ADCY5: variants seen among roughly 807,000 people sequenced by gnomAD.
ADCY5 encodes adenylate cyclase 5, also known as adenylate cyclase type 5.
Under a neutral mutation model 119.7 loss-of-function variants are expected in ADCY5, and 30 were observed. That is an observed-to-expected ratio of 0.25 (90% CI 0.19 to 0.34). ADCY5 has a LOEUF of 0.34. Among genes scored for constraint, ADCY5 ranks in the 10% least tolerant of loss-of-function variants. ADCY5 has a pLI of 1.00. For missense variants in ADCY5, 1,324 were observed against 1,775.2 expected (o/e 0.75, Z 4.57); for synonymous variants, 753 against 762.2 (o/e 0.99, Z 0.20).
chr3:123,448,259 C>A lies in ADCY5; in HGVS notation c.287G>T (p.Ser96Ile). The change falls in exon 1 of 21, where the codon AGC (serine) becomes ATC (isoleucine). Residue 96 changes from serine (S) to isoleucine (I), a missense_variant. This residue lies in a region of ADCY5 where 585 missense variants were observed against 569.9 expected (regional missense o/e 1.03). Coordinates refer to ENST00000462833, the MANE Select transcript of ADCY5 (RefSeq NM_183357.3). ...DDPLAGGFGF[S>I]FRSKSAWQER... The stretch of plus-strand genomic sequence containing the variant: ...CTGCCAGGCGGACTTGGAGCGGAAG[C>A]TGAAGCCGAAGCCCCCGGCCAGGGG... 1 of 1,504,550 alleles carries A rather than the reference C, an allele frequency of 6.6e-7. No individual in the cohort carries two copies. The allele number at this position is 1,504,550 out of a possible 1,614,324, so 93.2% of individuals were successfully genotyped here.
chr3:123,381,102 C>T (rs1012457546), intron 1 of ADCY5, among the ~76,000 whole-genome samples: 3 of 152,186 alleles, frequency 2.0e-5, no homozygotes, highest in Non-Finnish European at 4.4e-5. Context: ...ATAATATGTG[C>T]CAAGTGCTAG....
At chr3:123,367,787 C>T (rs1943498152) in intron 1 of ADCY5, 2 of 1,411,046 alleles carry the variant, frequency 1.4e-6, no homozygotes, top group Admixed American at 4.7e-5. Flanking sequence ...CACTCATGCC[C>T]ACATCTCCTC....
rs559051680 is a variant in ADCY5, at chr3:123,398,439, C to A, written c.1135-45858G>T. Reference sequence around the variant, plus strand: ...TTGGTTCTCTGCCGTTTTGCAAGGACAGATCTGAATAATGTCTGACCATTT... The same window carrying A: ...TTGGTTCTCTGCCGTTTTGCAAGGAAAGATCTGAATAATGTCTGACCATTT... On this transcript the variant is annotated intron_variant, in intron 1 of 20. Transcript: ENST00000462833. Among the ~76,000 whole-genome samples, 59 of 152,190 alleles carry A rather than the reference C, an allele frequency of 3.9e-4. No individual in the cohort carries two copies. In the South Asian group the frequency reaches 0.012, roughly 32 times the overall value.
At chr3:123,388,332 C>T (rs766314382) in intron 1 of ADCY5, among the ~76,000 whole-genome samples, 6 of 151,844 alleles carry the variant, frequency 4.0e-5, no homozygotes, top group African/African-American at 9.7e-5. Flanking sequence ...AAGTGGGAGG[C>T]GAGGAGAGGG....
intron 1 of ADCY5, among the ~76,000 whole-genome samples, chr3:123,411,543 G>C (rs1356227493): frequency 6.6e-6 from 1 of 152,166 alleles, no homozygotes; most frequent in Non-Finnish European, 1.5e-5. Flanking sequence ...GCCTAAGCCT[G>C]GCCCAGGATC....
At chr3:123,439,311 T>C (rs2332541) in intron 1 of ADCY5, among the ~76,000 whole-genome samples, 5,929 of 149,518 alleles carry the variant, frequency 0.04, 465 homozygotes, top group East Asian at 0.35. Context: ...ATCCGCCTGC[T>C]TTGGCCTCCC....
chr3:123,416,464 T>G (rs536833744), intron 1 of ADCY5: 2 of 835,828 alleles, frequency 2.4e-6, no homozygotes, highest in South Asian at 3.8e-5. Flanking sequence ...GGGAGGAGGC[T>G]CTAAGGCACT....
Position 123,417,121 on chromosome 3 carries a change from G to T in ADCY5, c.1134+30291C>A, listed in dbSNP as rs116092255. Among the ~76,000 whole-genome samples the T allele has an allele frequency of 6.6e-3, 1,008 of 152,070 alleles. 7 individuals are homozygous for T. Among genetic ancestry groups the T allele is most frequent in the African/African-American group, 0.022 (927 of 41,484 alleles). On this transcript the variant is annotated intron_variant, in intron 1 of 20. Transcript: ENST00000462833. ...GAGCAGACGAATAGCTCCTTCCCCC[G>T]AGAGAGCTGAGAGCCAAAGGTGCAT...
At chr3:123,425,617 C>T (rs778556286) in intron 1 of ADCY5, among the ~76,000 whole-genome samples, 10 of 152,194 alleles carry the variant, frequency 6.6e-5, no homozygotes, top group Non-Finnish European at 8.8e-5. Flanking sequence ...TAGAGCAGTC[C>T]CCAGAAGGGA....
chr3:123,298,110 G>A (rs1385958294), intron 15 of ADCY5, among the ~76,000 whole-genome samples: 1 of 151,946 alleles, frequency 6.6e-6, no homozygotes, highest in Non-Finnish European at 1.5e-5. Context: ...AGCTATTCTT[G>A]TACCTCAGCC....
rs755428324 is a variant in ADCY5 at position 123,327,730 on chromosome 3, T to C, written c.1835A>G (p.Asn612Ser). The change falls in exon 7 of 21, where the codon AAC (asparagine) becomes AGC (serine). Residue 612 changes from asparagine (N) to serine (S), a missense_variant. This residue lies in a region of ADCY5 where 424 missense variants were observed against 546.8 expected (regional missense o/e 0.78). Transcript: ENST00000462833. Reference sequence around the variant, plus strand: ...CACCTCGTAGTCCCCATTCAGGTAGTTGAGTGTAGCCTTGGTGATGTGGAT... The same window carrying C: ...CACCTCGTAGTCCCCATTCAGGTAGCTGAGTGTAGCCTTGGTGATGTGGAT... ...GRIHITKATLNYLNGDYEVEP... is the reference protein window; with the variant it reads ...GRIHITKATLSYLNGDYEVEP... 6 of 1,613,958 alleles carry C rather than the reference T, an allele frequency of 3.7e-6. No individual in the cohort carries two copies. The highest frequency in any genetic ancestry group is 2.2e-5 in the East Asian group (1 of 44,892).
chr3:123,443,453 T>C (rs1156590740), intron 1 of ADCY5, among the ~76,000 whole-genome samples: 3 of 152,036 alleles, frequency 2.0e-5, no homozygotes, highest in African/African-American at 4.8e-5. Flanking sequence ...TCATACCAGA[T>C]AGACAGATGC....
chr3:123,297,367 G>T lies in ADCY5; in HGVS notation c.2916C>A (p.Asn972Lys), dbSNP rs1030351325. Residue 972 changes from asparagine (N) to lysine (K), a missense_variant, in exon 16 of 21, where the codon AAC becomes AAA. Asn to Lys is a moderately conservative substitution (Grantham distance 94). Coordinates refer to ENST00000462833, the MANE Select transcript of ADCY5 (RefSeq NM_183357.3). Reference sequence around the variant, plus strand: ...CATCAACTCACCACTGGGAGGTCCCGTTGTTGAAGAAGTCTCTGTGAAGAG... The same window carrying T: ...CATCAACTCACCACTGGGAGGTCCCTTTGTTGAAGAAGTCTCTGTGAAGAG... The part of the protein sequence containing the change: ...VTANAIDFFN[N>K]GTSQCPEHAT... The T allele has an allele frequency of 6.2e-6, 10 of 1,614,004 alleles. No individual in the cohort carries two copies. The highest frequency in any genetic ancestry group is 8.5e-6 in the Non-Finnish European group (10 of 1,179,994).
In ADCY5 at chr3:123,430,227, C is replaced by T. The variant is rs568840631; in HGVS notation, c.1134+17185G>A. On this transcript the variant is annotated intron_variant, in intron 1 of 20. Coordinates refer to ENST00000462833, the MANE Select transcript of ADCY5 (RefSeq NM_183357.3). ...CAGACTGAGGGTGATTTCCAGAAGA[C>T]ACAGAGGGAAAACAAAGAGCAAAAA... Among the ~76,000 whole-genome samples the T allele has an allele frequency of 2.9e-3, 442 of 152,292 alleles. 4 individuals are homozygous for T. The highest frequency in any genetic ancestry group is 9.9e-3 in the African/African-American group (413 of 41,566).
chr3:123,344,587 A>C (rs899424090), intron 3 of ADCY5, among the ~76,000 whole-genome samples: 6 of 152,328 alleles, frequency 3.9e-5, no homozygotes, highest in East Asian at 1.9e-4. Flanking sequence ...CATGGCCAGG[A>C]AACAGCAGAG....
intron 1 of ADCY5, among the ~76,000 whole-genome samples, chr3:123,441,159 C>G (rs1314834700): frequency 2.6e-5 from 4 of 152,176 alleles, no homozygotes; most frequent in African/African-American, 7.2e-5. Flanking sequence ...AGCTGGTCAT[C>G]AAAATCACCT....
chr3:123,366,446 C>A (rs946718539), intron 1 of ADCY5, among the ~76,000 whole-genome samples: 3 of 152,222 alleles, frequency 2.0e-5, no homozygotes, highest in Non-Finnish European at 4.4e-5. Flanking sequence ...GATGGTACAC[C>A]CAGCACAGCC....
rs116535251 is a variant in ADCY5, at chr3:123,297,189, G to A, written c.2930+164C>T. 7,060 of 1,334,374 alleles carry A rather than the reference G, an allele frequency of 5.3e-3. 209 individuals carry two copies. In the African/African-American group the frequency reaches 0.071, roughly 13 times the overall value. The allele number at this position is 1,334,374 out of a possible 1,614,324, so 82.7% of individuals were successfully genotyped here. A position where few individuals can be genotyped will look rare whatever the true frequency, so the allele number is the denominator to read the frequency against. ...GTGACCAGGGCCTCTGCCCCCCGAG[G>A]ACGCCTTGCTACCCCAGGAGGAACC... On this transcript the variant is annotated intron_variant, in intron 16 of 20. Transcript: ENST00000462833.
chr3:123,368,645 G>A (rs750092651), intron 1 of ADCY5, among the ~76,000 whole-genome samples: 24 of 152,052 alleles, frequency 1.6e-4, no homozygotes, highest in Non-Finnish European at 2.1e-4. Flanking sequence ...CCAGCTACTC[G>A]AGAGTCTGAG....
Sources: gnomAD v4.1 joint callset for allele counts (sites outside exome capture counted in the v4.1 genomes callset) on GRCh38, gnomAD v4.1.1 for gene constraint, gnomAD v4.1.1 regional missense constraint, MANE v1.5 for transcripts, NCBI Gene and HGNC (gene_info 2026-07-23, HGNC 2026-07-21) for gene names.